NCAM2: variants seen among roughly 807,000 people sequenced by gnomAD.
The protein encoded by NCAM2 is N-CAM-2.
Under a neutral mutation model 98.1 loss-of-function variants are expected in NCAM2, and 30 were observed. The ratio of observed to expected loss-of-function variants is 0.31; its 90% confidence interval spans 0.23 to 0.41. The LOEUF (loss-of-function observed/expected upper bound fraction) is 0.41. Among genes scored for constraint, NCAM2 ranks in the 10% least tolerant of loss-of-function variants. The probability of loss-of-function intolerance (pLI) is 1.00; values close to 1 mark genes in which losing one functional copy is unlikely to be tolerated. For missense variants in NCAM2, 867 were observed against 1,005.8 expected, an observed-to-expected ratio of 0.86 and a Z score of 1.87; for synonymous variants, 368 against 342.4, an observed-to-expected ratio of 1.07 and a Z score of -0.83.
intron 12 of NCAM2, among the ~76,000 whole-genome samples, chr21:21,465,805 A>G (rs1236837173): frequency 6.6e-6 from 1 of 152,018 alleles, no homozygotes; most frequent in East Asian, 1.9e-4. Context: ...TTCTTTAGCA[A>G]AAGCATTTAA....
At chr21:21,124,497 A>G (rs1030325678) in intron 1 of NCAM2, among the ~76,000 whole-genome samples, 1 of 152,144 alleles carries the variant, frequency 6.6e-6, no homozygotes, top group Non-Finnish European at 1.5e-5. Flanking sequence ...CGAGGGCTAC[A>G]TTTGCTAATT....
chr21:21,387,177 CACACACACAT>C (rs1364015434), intron 9 of NCAM2, among the ~76,000 whole-genome samples: 1 of 73,846 alleles, frequency 1.4e-5, no homozygotes, highest in Non-Finnish European at 3.3e-5. Context: ...ACTTGGTGCG[CACACACACAT>C]ACACACACAC....
Position 21,429,912 on chromosome 21 carries a change from C to G in NCAM2, c.1481-2196C>G, listed in dbSNP as rs564154513. On this transcript the variant is annotated intron_variant, in intron 11 of 17. Coordinates refer to ENST00000400546, the MANE Select transcript of NCAM2 (RefSeq NM_004540.5). Reference sequence around the variant, plus strand: ...TGTGAAAGGCCGTAAAGCTGTGCTCCTGGCTCTTGCTCAGTACTATTTATA... The same window carrying G: ...TGTGAAAGGCCGTAAAGCTGTGCTCGTGGCTCTTGCTCAGTACTATTTATA... 3.9e-4 allele frequency among the ~76,000 whole-genome samples: 60 copies of G among 152,254 alleles called. No individual in the cohort carries two copies. In the South Asian group the frequency reaches 0.012, roughly 32 times the overall value.
chr21:21,382,154 G>C (rs1291504383), intron 9 of NCAM2, among the ~76,000 whole-genome samples: 1 of 151,966 alleles, frequency 6.6e-6, no homozygotes, highest in Non-Finnish European at 1.5e-5. Flanking sequence ...ATTTGATTAG[G>C]ATAAGTCTAA....
At chr21:21,344,811 CAGGCCTT>C (rs2147908364) in intron 8 of NCAM2, among the ~76,000 whole-genome samples, 1 of 152,236 alleles carries the variant, frequency 6.6e-6, no homozygotes, top group African/African-American at 2.4e-5. Context: ...GAGGTTACAA[CAGGCCTT>C]AGGTGAGACT....
At chr21:21,086,286 C>T (rs78210335) in intron 1 of NCAM2, among the ~76,000 whole-genome samples, 1,733 of 152,230 alleles carry the variant, frequency 0.011, 40 homozygotes, top group African/African-American at 0.04. Flanking sequence ...AAACAGAAGA[C>T]GACTTTGGTG....
chr21:21,302,790 C>T (rs1267157067), intron 5 of NCAM2, among the ~76,000 whole-genome samples: 1 of 152,094 alleles, frequency 6.6e-6, no homozygotes, highest in Non-Finnish European at 1.5e-5. Context: ...ACCAAAAAGG[C>T]ATAGAGACGT....
chr21:21,014,275 T>G (rs2064265233), intron 1 of NCAM2, among the ~76,000 whole-genome samples: 1 of 151,946 alleles, frequency 6.6e-6, no homozygotes, highest in Non-Finnish European at 1.5e-5. Flanking sequence ...AATACAAAAA[T>G]TAGCTGGACG....
At chr21:21,509,806 G>A (rs1988246450) in intron 16 of NCAM2, among the ~76,000 whole-genome samples, 1 of 152,096 alleles carries the variant, frequency 6.6e-6, no homozygotes, top group Admixed American at 6.6e-5. Flanking sequence ...TATGATCAAT[G>A]CAAAAAATTC....
rs2146439558 is a variant in NCAM2 at position 21,538,217 on chromosome 21, G to T, written c.*260G>T. The stretch of plus-strand genomic sequence containing the variant: ...GCACCAACACTTTGGTATTCAATTT[G>T]ATTCTATGACTGAAGTACTGGAATT... On this transcript the variant is annotated 3_prime_UTR_variant, in exon 18 of 18. Coordinates refer to ENST00000400546, the MANE Select transcript of NCAM2 (RefSeq NM_004540.5). 1 of 238,802 alleles carries T rather than the reference G, an allele frequency of 4.2e-6. No individual in the cohort carries two copies. Among genetic ancestry groups the T allele is most frequent in the East Asian group, 8.1e-5 (1 of 12,334 alleles). 14.8% of individuals were successfully genotyped at this position (238,802 alleles called of 1,614,324 possible).
At position 21,421,866 on chromosome 21, in the gene NCAM2, G is replaced by A. The variant is rs922018771; in HGVS notation, c.1480+3297G>A. The stretch of plus-strand genomic sequence containing the variant: ...GTGAAATTTTTGTACACATTCAGTG[G>A]TAATATAGGAAACAATTACTTTTTC... On this transcript the variant is annotated intron_variant, in intron 11 of 17. Transcript: ENST00000400546. Among the ~76,000 whole-genome samples the A allele has an allele frequency of 2.6e-5, 4 of 152,118 alleles. 1 individual carries two copies. The highest frequency in any genetic ancestry group is 2.0e-4 in the Admixed American group (3 of 15,264).
At chr21:21,534,011 T>C (rs967419558) in intron 16 of NCAM2, among the ~76,000 whole-genome samples, 20 of 151,998 alleles carry the variant, frequency 1.3e-4, no homozygotes, top group Non-Finnish European at 2.8e-4. Context: ...TTCATACAAA[T>C]GGATAGACAT....
intron 1 of NCAM2, among the ~76,000 whole-genome samples, chr21:21,260,300 T>G (rs9976111): frequency 6.6e-6 from 1 of 151,868 alleles, no homozygotes; most frequent in Non-Finnish European, 1.5e-5. Context: ...CCAAAAAAAA[T>G]TCCTAATCTT....
intron 1 of NCAM2, among the ~76,000 whole-genome samples, chr21:21,013,314 A>G (rs2064243331): frequency 6.6e-6 from 1 of 152,236 alleles, no homozygotes; most frequent in Admixed American, 6.5e-5. Flanking sequence ...TATTGCTTAT[A>G]TGGAGAAAGT....
At chr21:21,312,597 A>G (rs1035847438) in intron 5 of NCAM2, among the ~76,000 whole-genome samples, 47 of 266 alleles carry the variant, frequency 0.18, no homozygotes, top group African/African-American at 0.29. Flanking sequence ...ATGTTGATAT[A>G]TTTCCTATTT....
chr21:21,528,685 A>G (rs936074515), intron 16 of NCAM2, among the ~76,000 whole-genome samples: 2 of 152,212 alleles, frequency 1.3e-5, no homozygotes, highest in Non-Finnish European at 2.9e-5. Flanking sequence ...AAAGAAAAAC[A>G]TTAATAAACA....
At chr21:21,022,189 A>G (rs2064451955) in intron 1 of NCAM2, among the ~76,000 whole-genome samples, 1 of 152,040 alleles carries the variant, frequency 6.6e-6, no homozygotes, top group African/African-American at 2.4e-5. Flanking sequence ...AAAGTAAAAT[A>G]AGTTGTATCC....
intron 1 of NCAM2, among the ~76,000 whole-genome samples, chr21:21,097,234 C>T (rs529538054): frequency 2.0e-5 from 3 of 151,764 alleles, no homozygotes; most frequent in East Asian, 1.9e-4. Context: ...GATTGGTCAT[C>T]GGTCATGATA....
At chr21:21,207,623 G>T (rs1347973625) in intron 1 of NCAM2, among the ~76,000 whole-genome samples, 1 of 152,092 alleles carries the variant, frequency 6.6e-6, no homozygotes, top group Non-Finnish European at 1.5e-5. Context: ...TCTCTGACCT[G>T]CAAGTGCAAA....
Sources: allele counts gnomAD v4.1 joint callset (sites outside exome capture counted in the v4.1 genomes callset), GRCh38; gene constraint gnomAD v4.1.1; transcripts MANE v1.5; gene names NCBI Gene and HGNC (gene_info 2026-07-23, HGNC 2026-07-21).